The following RBMS3 variants were observed in gnomAD, a reference collection of about 807,000 sequenced individuals.
RBMS3 encodes RNA-binding motif, single-stranded-interacting protein 3.
Under a neutral mutation model 66.8 loss-of-function variants are expected in RBMS3, and 27 were observed. The ratio of observed to expected loss-of-function variants is 0.40; its 90% CI spans 0.30 to 0.56. RBMS3 has a LOEUF of 0.56. Ranked by LOEUF, RBMS3 falls within the 20% of genes least tolerant of loss-of-function variation. The pLI, the probability that RBMS3 is intolerant of heterozygous loss-of-function variation, is 0.40. For synonymous variants in RBMS3, 188 were observed against 183.0 expected (o/e 1.03, Z -0.22); for missense variants, 513 against 549.5 (o/e 0.93, Z 0.66).
intron 4 of RBMS3, among the ~76,000 whole-genome samples, chr3:29,705,316 A>C (rs2052833919): frequency 1.3e-5 from 2 of 152,236 alleles, no homozygotes; most frequent in South Asian, 4.1e-4. Context: ...TTGGACCAGA[A>C]CATGGTCTAT....
chr3:29,461,941 T>C (rs912556919), intron 2 of RBMS3, among the ~76,000 whole-genome samples: 2 of 126,434 alleles, frequency 1.6e-5, no homozygotes, highest in African/African-American at 2.9e-5. Flanking sequence ...TTTTTTTTTT[T>C]TTTTTTTTGT....
chr3:29,851,169 C>T (rs989876784), intron 6 of RBMS3, among the ~76,000 whole-genome samples: 1 of 152,082 alleles, frequency 6.6e-6, no homozygotes, highest in African/African-American at 2.4e-5. Context: ...GTTTACTTGT[C>T]TTTTGGCTGT....
At chr3:29,879,901 T>C (rs1353969102) in intron 7 of RBMS3, among the ~76,000 whole-genome samples, 1 of 152,160 alleles carries the variant, frequency 6.6e-6, no homozygotes, top group Non-Finnish European at 1.5e-5. Context: ...AGGTAATCTT[T>C]CTGAAGTAGC....
intron 6 of RBMS3, among the ~76,000 whole-genome samples, chr3:29,794,511 G>A (rs1021530720): frequency 4.6e-5 from 7 of 152,080 alleles, no homozygotes; most frequent in Non-Finnish European, 8.8e-5. Context: ...GCGTGAACCC[G>A]GGAGGCTGAG....
At chr3:29,320,534 G>A (rs2034947291) in intron 1 of RBMS3, among the ~76,000 whole-genome samples, 1 of 151,946 alleles carries the variant, frequency 6.6e-6, no homozygotes. Context: ...CATGACATAT[G>A]TAACTTAGAG....
chr3:29,515,073 A>G (rs937814321), intron 3 of RBMS3, among the ~76,000 whole-genome samples: 1 of 152,166 alleles, frequency 6.6e-6, no homozygotes, highest in Admixed American at 6.5e-5. Context: ...CTTAAGTACT[A>G]TGCAGTAGTG....
At chr3:29,655,234 T>C (rs1000224618) in intron 4 of RBMS3, among the ~76,000 whole-genome samples, 2 of 152,178 alleles carry the variant, frequency 1.3e-5, no homozygotes, top group African/African-American at 4.8e-5. Context: ...GGCATTTGAA[T>C]CATGTGTGCT....
chr3:29,438,048 C>CTA (rs2041470410), intron 2 of RBMS3, among the ~76,000 whole-genome samples: 1 of 151,854 alleles, frequency 6.6e-6, no homozygotes, highest in African/African-American at 2.4e-5. Flanking sequence ...CTCTCTCTCT[C>CTA]TCTCTCTCTC....
rs926491948 is a variant in RBMS3 at position 29,958,781 on chromosome 3, A to G, written c.1098+14527A>G. ...AACTTTTCTTAGCAGTCTCACCAAG[A>G]GTGAAATGCTGTTAGTGGGCTAAAG... On this transcript the variant is annotated intron_variant, in intron 12 of 14. Transcript: ENST00000383767. Among the ~76,000 whole-genome samples, 13 of 152,316 alleles carry G rather than the reference A, an allele frequency of 8.5e-5. No individual in the cohort carries two copies. In the East Asian group the frequency reaches 2.5e-3, roughly 29 times the overall value.
At chr3:29,988,934 CATTTGAATT>C (rs1457502321) in intron 13 of RBMS3, among the ~76,000 whole-genome samples, 2 of 152,174 alleles carry the variant, frequency 1.3e-5, no homozygotes, top group African/African-American at 4.8e-5. Context: ...ATTTTCTGCA[CATTTGAATT>C]ATTTTGAGAG....
At chr3:29,371,818 G>A (rs2038218571) in intron 1 of RBMS3, among the ~76,000 whole-genome samples, 1 of 152,142 alleles carries the variant, frequency 6.6e-6, no homozygotes, top group Non-Finnish European at 1.5e-5. Flanking sequence ...GACTAACCCA[G>A]AGCTTAAAGA....
At chr3:29,543,978 C>T (rs761376458) in intron 3 of RBMS3, among the ~76,000 whole-genome samples, 8 of 151,780 alleles carry the variant, frequency 5.3e-5, no homozygotes, top group Non-Finnish European at 8.8e-5. Context: ...GTTCATCATC[C>T]TATTGATATT....
chr3:29,816,760 C>T (rs939026735), intron 6 of RBMS3, among the ~76,000 whole-genome samples: 7 of 152,130 alleles, frequency 4.6e-5, no homozygotes, highest in Non-Finnish European at 1.0e-4. Flanking sequence ...GCACAGAGTA[C>T]TTAAGACATG....
At chr3:29,391,988 G>A (rs1442351680) in intron 1 of RBMS3, among the ~76,000 whole-genome samples, 1 of 152,220 alleles carries the variant, frequency 6.6e-6, no homozygotes, top group Admixed American at 6.5e-5. Flanking sequence ...GGTGGCTCAC[G>A]CCTGTAATCC....
chr3:29,884,422 TTCTCTCTCTCTCTC>T (rs571002730), intron 8 of RBMS3, among the ~76,000 whole-genome samples: 3 of 41,882 alleles, frequency 7.2e-5, no homozygotes, highest in Non-Finnish European at 8.6e-5. Flanking sequence ...TTAAACCCTG[TTCTCTCTCTCTCTC>T]TCTCTCTCTC....
At chr3:29,414,571 T>C (rs1402085258) in intron 1 of RBMS3, among the ~76,000 whole-genome samples, 2 of 152,244 alleles carry the variant, frequency 1.3e-5, no homozygotes, top group Admixed American at 6.5e-5. Context: ...CAACGGATTG[T>C]ATTTGTATCA....
At chr3:29,583,740 A>G (rs2047412513) in intron 3 of RBMS3, among the ~76,000 whole-genome samples, 2 of 152,034 alleles carry the variant, frequency 1.3e-5, no homozygotes, top group African/African-American at 4.8e-5. Context: ...GTTTTAATCT[A>G]TTTTCTGCTT....
intron 6 of RBMS3, among the ~76,000 whole-genome samples, chr3:29,809,662 G>C (rs1344727124): frequency 6.6e-6 from 1 of 151,824 alleles, no homozygotes; most frequent in Non-Finnish European, 1.5e-5. Flanking sequence ...CTCTTGCAAG[G>C]CTGTCACTAT....
chr3:29,380,301 A>AT (rs530165341), intron 1 of RBMS3, among the ~76,000 whole-genome samples: 41 of 152,196 alleles, frequency 2.7e-4, no homozygotes, highest in African/African-American at 9.6e-4. Flanking sequence ...ATATCCTGTA[A>AT]TTTTTATAAC....
Sources: gnomAD v4.1 joint callset for allele counts (sites outside exome capture counted in the v4.1 genomes callset) on GRCh38, gnomAD v4.1.1 for gene constraint, MANE v1.5 for transcripts, NCBI Gene and HGNC (gene_info 2026-07-23, HGNC 2026-07-21) for gene names.